NALF1: variants seen among roughly 807,000 people sequenced by gnomAD.
NALF1 encodes NALCN channel auxiliary factor 1.
A neutral mutation model predicts 48.4 loss-of-function variants in NALF1; 3 were observed. The observed-to-expected ratio is 0.06, with a 90% CI of 0.03 to 0.16. The LOEUF (loss-of-function observed/expected upper bound fraction) is 0.16. Ranked by LOEUF, NALF1 falls within the 10% of genes least tolerant of loss-of-function variation. The pLI is 1.00. For synonymous variants in NALF1, 262 were observed against 245.7 expected (o/e 1.07, Z -0.62); for missense variants, 526 against 571.5 (o/e 0.92, Z 0.81).
intron 1 of NALF1, among the ~76,000 whole-genome samples, chr13:107,858,363 A>G (rs1880488937): frequency 6.6e-6 from 1 of 152,208 alleles, no homozygotes; most frequent in Admixed American, 6.6e-5. Context: ...GAAAAAGAAA[A>G]CATTTACAGT....
At chr13:107,201,718 G>A (rs915554939) in intron 2 of NALF1, among the ~76,000 whole-genome samples, 14 of 152,136 alleles carry the variant, frequency 9.2e-5, no homozygotes, top group Admixed American at 3.9e-4. Context: ...TTGTTCCCGC[G>A]TACTTGAAGG....
chr13:107,262,107 C>G (rs1287097664), intron 1 of NALF1, among the ~76,000 whole-genome samples: 1 of 152,096 alleles, frequency 6.6e-6, no homozygotes, highest in African/African-American at 2.4e-5. Context: ...ACAAGTAAAA[C>G]AAGCTATCAT....
intron 1 of NALF1, among the ~76,000 whole-genome samples, chr13:107,744,559 G>A (rs999479023): frequency 6.6e-6 from 1 of 152,134 alleles, no homozygotes; most frequent in Admixed American, 6.6e-5. Flanking sequence ...CCCTATAGTG[G>A]AGTCCAGCAC....
At position 107,268,277 on chromosome 13, in the gene NALF1, C is replaced by T. The variant is rs969516199; in HGVS notation, c.916-57522G>A. Among the ~76,000 whole-genome samples, 109 of 152,116 alleles carry T rather than the reference C, an allele frequency of 7.2e-4. 3 individuals carry two copies. Among genetic ancestry groups the T allele is most frequent in the Non-Finnish European group, 3.4e-4 (23 of 67,982 alleles). ...TGCCAGGATTACAGGTGTGAGCCAC[C>T]GCACCCAGCCTATTTCTGGAATTTT... On this transcript the variant is annotated intron_variant, in intron 1 of 2. Coordinates refer to ENST00000375915, the MANE Select transcript of NALF1 (RefSeq NM_001080396.3).
At chr13:107,388,916 A>G (rs1180224301) in intron 1 of NALF1, among the ~76,000 whole-genome samples, 1 of 152,230 alleles carries the variant, frequency 6.6e-6, no homozygotes, top group East Asian at 1.9e-4. Context: ...TTACACATTC[A>G]TGTAAACTAT....
intron 1 of NALF1, among the ~76,000 whole-genome samples, chr13:107,723,833 T>C (rs1263572232): frequency 2.0e-5 from 3 of 152,200 alleles, no homozygotes; most frequent in African/African-American, 7.2e-5. Flanking sequence ...TTTTTTCTAG[T>C]TAGATAAATC....
chr13:107,492,023 C>G (rs1024773691), intron 1 of NALF1, among the ~76,000 whole-genome samples: 2 of 147,364 alleles, frequency 1.4e-5, no homozygotes, highest in East Asian at 2.0e-4. Flanking sequence ...TTTTTACAAG[C>G]CTGTCTGGGT....
At chr13:107,442,939 G>T (rs1475266712) in intron 1 of NALF1, among the ~76,000 whole-genome samples, 2 of 152,040 alleles carry the variant, frequency 1.3e-5, no homozygotes, top group Non-Finnish European at 2.9e-5. Flanking sequence ...TAAAAATAGG[G>T]CATAGAACAA....
chr13:107,439,928 G>GA (rs34894433), intron 1 of NALF1, among the ~76,000 whole-genome samples: 1 of 152,030 alleles, frequency 6.6e-6, no homozygotes, highest in East Asian at 1.9e-4. Flanking sequence ...TTAACTGTTG[G>GA]AAAAAGGTCA....
chr13:107,726,912 C>CTT (rs1876168946), intron 1 of NALF1, among the ~76,000 whole-genome samples: 1 of 97,352 alleles, frequency 1.0e-5, no homozygotes, highest in Non-Finnish European at 2.2e-5. Flanking sequence ...CCGGCAAATT[C>CTT]TTGTGTGTGT....
intron 1 of NALF1, among the ~76,000 whole-genome samples, chr13:107,443,443 A>C (rs985184061): frequency 6.6e-6 from 1 of 152,108 alleles, no homozygotes; most frequent in Non-Finnish European, 1.5e-5. Flanking sequence ...TCTCGAACCC[A>C]TGACCTCAAG....
rs572496337 is a variant in NALF1, at chr13:107,164,132, C to T, written c.*6365G>A. The T allele has an allele frequency of 3.3e-5, 5 of 152,268 alleles. No homozygotes were observed. The East Asian group carries it at 5.8e-4, about 18-fold the overall frequency. The allele number at this position is 152,268 out of a possible 1,614,324, so 9.4% of individuals were successfully genotyped here. A position where few individuals can be genotyped will look rare whatever the true frequency, so the allele number is the denominator to read the frequency against. On this transcript the variant is annotated 3_prime_UTR_variant, in exon 3 of 3. Transcript: ENST00000375915. Reference sequence around the variant, plus strand: ...AGCTGGGAGTTTTAGGGGAAATAGTCACTGAAGAAAGTCTGTATTCATAGA... The same window carrying T: ...AGCTGGGAGTTTTAGGGGAAATAGTTACTGAAGAAAGTCTGTATTCATAGA...
chr13:107,600,986 G>A (rs528410430), intron 1 of NALF1, among the ~76,000 whole-genome samples: 1 of 149,092 alleles, frequency 6.7e-6, no homozygotes, highest in African/African-American at 2.5e-5. Context: ...GCTGATAAAG[G>A]AAAACAGATA....
At chr13:107,314,999 G>C (rs1882118124) in intron 1 of NALF1, among the ~76,000 whole-genome samples, 1 of 152,034 alleles carries the variant, frequency 6.6e-6, no homozygotes, top group South Asian at 2.1e-4. Context: ...ATACTCCTAA[G>C]GGGGTTACCC....
rs544397370 is a variant in NALF1, at chr13:107,507,789, T to C, written c.916-297034A>G. ...CATAGGAAATAACTAGACCTGATGCTCAAATTGATAATTGAAGAGCCAAGT... is the reference window on the plus strand; with the variant it reads ...CATAGGAAATAACTAGACCTGATGCCCAAATTGATAATTGAAGAGCCAAGT... On this transcript the variant is annotated intron_variant, in intron 1 of 2. Coordinates refer to ENST00000375915, the MANE Select transcript of NALF1 (RefSeq NM_001080396.3). Among the ~76,000 whole-genome samples, 14 of 152,186 alleles carry C rather than the reference T, an allele frequency of 9.2e-5. No individual in the cohort carries two copies. The South Asian group carries it at 2.9e-3, about 32-fold the overall frequency.
intron 1 of NALF1, among the ~76,000 whole-genome samples, chr13:107,354,599 G>C (rs971927820): frequency 6.6e-6 from 1 of 152,148 alleles, no homozygotes; most frequent in African/African-American, 2.4e-5. Context: ...CTATTTTAAT[G>C]AGATTCGGGT....
chr13:107,258,110 A>T (rs2138851250), intron 1 of NALF1, among the ~76,000 whole-genome samples: 1 of 152,324 alleles, frequency 6.6e-6, no homozygotes, highest in East Asian at 1.9e-4. Flanking sequence ...TTTGGGAAAC[A>T]ATGTACCCTC....
In NALF1 at chr13:107,537,818, G is replaced by A. The variant is rs553970924; in HGVS notation, c.916-327063C>T. Among the ~76,000 whole-genome samples, 4 of 152,228 alleles carry A rather than the reference G, an allele frequency of 2.6e-5. No individual in the cohort carries two copies. The South Asian group carries it at 8.3e-4, about 32-fold the overall frequency. On this transcript the variant is annotated intron_variant, in intron 1 of 2. Transcript: ENST00000375915. The stretch of plus-strand genomic sequence containing the variant: ...AGATCACTTGAGGTCAGGAGTTCAA[G>A]ACCAGCCTGGCCAACATGGTGAAAT...
intron 1 of NALF1, among the ~76,000 whole-genome samples, chr13:107,269,699 A>G (rs1376664535): frequency 2.0e-5 from 3 of 152,176 alleles, no homozygotes; most frequent in Non-Finnish European, 4.4e-5. Flanking sequence ...TCGTTGGTCT[A>G]TGTCAGGCAA....
Sources: gnomAD v4.1 joint callset for allele counts (sites outside exome capture counted in the v4.1 genomes callset) on GRCh38, gnomAD v4.1.1 for gene constraint, MANE v1.5 for transcripts, NCBI Gene and HGNC (gene_info 2026-07-23, HGNC 2026-07-21) for gene names.